The following PRDM6 variants were observed in gnomAD, a reference collection of about 807,000 sequenced individuals.
The protein encoded by PRDM6 is PR/SET domain 6.
PRDM6 carries 25 observed loss-of-function variants against 60.8 expected under a neutral mutation model. The ratio of observed to expected loss-of-function variants is 0.41; its 90% CI spans 0.30 to 0.57. PRDM6 has a LOEUF of 0.57. Among genes scored for constraint, PRDM6 ranks in the 20% least tolerant of loss-of-function variants. The probability of loss-of-function intolerance (pLI) is 0.27; values close to 1 mark genes in which losing one functional copy is unlikely to be tolerated. For synonymous variants in PRDM6, 407 were observed against 357.4 expected (o/e 1.14, Z -1.57); for missense variants, 839 against 821.3 (o/e 1.02, Z -0.26).
chr5:123,121,572 G>A (rs1367315774), intron 3 of PRDM6, among the ~76,000 whole-genome samples: 1 of 152,014 alleles, frequency 6.6e-6, no homozygotes, highest in Admixed American at 6.6e-5. Flanking sequence ...CTATGTAAAT[G>A]TAAATCCCAG....
intron 6 of PRDM6, among the ~76,000 whole-genome samples, chr5:123,172,153 C>A (rs1765904488): frequency 6.6e-6 from 1 of 152,110 alleles, no homozygotes; most frequent in Non-Finnish European, 1.5e-5. Context: ...CAGCTCTTCC[C>A]TCCCAGCTCT....
At chr5:123,125,162 C>T (rs879890533) in intron 3 of PRDM6, among the ~76,000 whole-genome samples, 5 of 61,316 alleles carry the variant, frequency 8.2e-5, no homozygotes, top group Non-Finnish European at 9.9e-5. Context: ...CCCCCCCACC[C>T]GCCGGCCCCG....
chr5:123,144,639 T>C (rs2126863989), intron 3 of PRDM6, among the ~76,000 whole-genome samples: 1 of 152,124 alleles, frequency 6.6e-6, no homozygotes, highest in Middle Eastern at 3.4e-3. Flanking sequence ...GAGAGAGAGG[T>C]ACATGCTAGG....
chr5:123,191,699 G>A lies in PRDM6; in HGVS notation c.*4498G>A, dbSNP rs530884818. ...ATACCTGGGTGATCATCAACCCAAA[G>A]TTTAAAGTTCTCCCCTCACTAGCAT... On this transcript the variant is annotated 3_prime_UTR_variant, in exon 8 of 8. Coordinates refer to ENST00000407847, the MANE Select transcript of PRDM6 (RefSeq NM_001136239.4). 1 of 152,224 alleles carries A rather than the reference G, an allele frequency of 6.6e-6. No individual in the cohort carries two copies. The highest frequency in any genetic ancestry group is 2.1e-4 in the South Asian group (1 of 4,818). 9.4% of individuals were successfully genotyped at this position (152,224 alleles called of 1,614,324 possible). A position where few individuals can be genotyped will look rare whatever the true frequency, so the allele number is the denominator to read the frequency against.
At chr5:123,113,853 C>T (rs1044485730) in intron 3 of PRDM6, among the ~76,000 whole-genome samples, 6 of 152,146 alleles carry the variant, frequency 3.9e-5, no homozygotes, top group Admixed American at 6.5e-5. Context: ...GTTAGCCTAC[C>T]TTGTGTTCCA....
At chr5:123,185,276 A>G (rs544755050) in intron 7 of PRDM6, among the ~76,000 whole-genome samples, 2 of 152,300 alleles carry the variant, frequency 1.3e-5, no homozygotes, top group South Asian at 2.1e-4. Flanking sequence ...TGTTCAAGCT[A>G]TTCTACTCTC....
At position 123,099,462 on chromosome 5, in the gene PRDM6, A is replaced by G. The variant is rs1266045980; in HGVS notation, c.593-192A>G. Among the ~76,000 whole-genome samples, 1 of 152,128 alleles carries G rather than the reference A, an allele frequency of 6.6e-6. No homozygotes were observed. The highest frequency in any genetic ancestry group is 1.5e-5 in the Non-Finnish European group (1 of 68,014). ...GGCAGATCTGGGTGCGGCGAATTCC[A>G]AGGGAGCGGCGCGGGTTCTCTTCTC... On this transcript the variant is annotated intron_variant, in intron 2 of 7. Transcript: ENST00000407847. This position sits in a 1 kb window ranked among gnomAD's most constrained non-coding sequence, Gnocchi z 4.0.
At chr5:123,139,269 TATTAA>T (rs758172134) in intron 3 of PRDM6, among the ~76,000 whole-genome samples, 5 of 152,218 alleles carry the variant, frequency 3.3e-5, no homozygotes, top group Non-Finnish European at 5.9e-5. Flanking sequence ...AAAATTCTAA[TATTAA>T]ATTAGCAGTT....
In PRDM6 at chr5:123,098,795, A is replaced by G. The variant is rs373927624; in HGVS notation, c.593-859A>G. Among the ~76,000 whole-genome samples, 690 of 152,300 alleles carry G rather than the reference A, an allele frequency of 4.5e-3. 2 individuals carry two copies. Among genetic ancestry groups the G allele is most frequent in the African/African-American group, 0.016 (659 of 41,566 alleles). ...CTTCCGGCGTCTAGGGAGAGCGTGC[A>G]CACCAAACCCTCCAGAACAGCACCC... is the stretch of plus-strand genomic sequence containing the variant. On this transcript the variant is annotated intron_variant, in intron 2 of 7. Coordinates refer to ENST00000407847, the MANE Select transcript of PRDM6 (RefSeq NM_001136239.4).
intron 3 of PRDM6, among the ~76,000 whole-genome samples, chr5:123,102,869 C>T (rs1764134362): frequency 6.6e-6 from 1 of 152,050 alleles, no homozygotes; most frequent in South Asian, 2.1e-4. Flanking sequence ...TTTCAGTTTA[C>T]ACTTCATTGT....
chr5:123,138,254 G>A lies in PRDM6; in HGVS notation c.901-17630G>A, dbSNP rs143811525. On this transcript the variant is annotated intron_variant, in intron 3 of 7. Coordinates refer to ENST00000407847, the MANE Select transcript of PRDM6 (RefSeq NM_001136239.4). ...CCAAAACATAGGAATCCATGTTCTG[G>A]AATCCTAAATGCAAAAGGAAGCAGT... Among the ~76,000 whole-genome samples, 7 of 152,302 alleles carry A rather than the reference G, an allele frequency of 4.6e-5. No homozygotes were observed. The East Asian group carries it at 1.3e-3, about 29-fold the overall frequency.
At chr5:123,105,359 G>A (rs535361914) in intron 3 of PRDM6, among the ~76,000 whole-genome samples, 6 of 152,278 alleles carry the variant, frequency 3.9e-5, no homozygotes, top group African/African-American at 1.4e-4. Flanking sequence ...CTGGCAGCAA[G>A]TGATCTGATG....
intron 3 of PRDM6, among the ~76,000 whole-genome samples, chr5:123,119,471 C>T (rs748868211): frequency 4.0e-5 from 6 of 151,888 alleles, no homozygotes; most frequent in Non-Finnish European, 5.9e-5. Context: ...ACCTTCAGGG[C>T]GGCTCTGTGG....
Position 123,187,108 on chromosome 5 carries a change from C to T in PRDM6, c.1695C>T (p.Ser565=). The part of the protein sequence containing the change: ...KPFKCERCER[S]FTQATQLSRH... ...CCAGGTGCGAGAGGTGTGAGAGGAG[C>T]TTCACGCAGGCCACCCAGCTGAGCC... Residue 565 remains serine, a synonymous_variant, in exon 8 of 8, where the codon AGC becomes AGT. Transcript: ENST00000407847. 2 of 1,551,504 alleles carry T rather than the reference C, an allele frequency of 1.3e-6. No homozygotes were observed. The highest frequency in any genetic ancestry group is 1.7e-6 in the Non-Finnish European group (2 of 1,146,852).
intron 3 of PRDM6, among the ~76,000 whole-genome samples, chr5:123,144,292 T>C (rs893497768): frequency 2.4e-4 from 37 of 152,208 alleles, no homozygotes; most frequent in Non-Finnish European, 4.4e-5. Flanking sequence ...GGCCAGCTGC[T>C]CTCCCCCATA....
intron 4 of PRDM6, among the ~76,000 whole-genome samples, chr5:123,157,878 C>A (rs916660354): frequency 2.0e-5 from 3 of 152,186 alleles, no homozygotes; most frequent in Non-Finnish European, 4.4e-5. Context: ...GGCATGTGTT[C>A]CACTTCAACT....
chr5:123,159,154 A>G (rs546326412), intron 4 of PRDM6, among the ~76,000 whole-genome samples: 36 of 152,322 alleles, frequency 2.4e-4, no homozygotes, highest in South Asian at 2.1e-3. Context: ...AATAGTATTT[A>G]TATATGAGGT....
At chr5:123,116,997 A>C (rs907632566) in intron 3 of PRDM6, among the ~76,000 whole-genome samples, 7 of 152,170 alleles carry the variant, frequency 4.6e-5, no homozygotes, top group African/African-American at 1.7e-4. Context: ...GTAGCTGGAA[A>C]ATTCCTTTGT....
chr5:123,113,456 A>T (rs1290727090), intron 3 of PRDM6, among the ~76,000 whole-genome samples: 1 of 152,212 alleles, frequency 6.6e-6, no homozygotes, highest in Non-Finnish European at 1.5e-5. Flanking sequence ...TCTCACAATG[A>T]CACAATAAGG....
Sources: gnomAD v4.1 joint callset for allele counts (sites outside exome capture counted in the v4.1 genomes callset) on GRCh38, gnomAD v4.1.1 for gene constraint, Gnocchi (gnomAD v3.1) non-coding constraint, MANE v1.5 for transcripts, NCBI Gene and HGNC (gene_info 2026-07-23, HGNC 2026-07-21) for gene names.